Variants in MYO5B observed in about 807,000 individuals in gnomAD.
MYO5B encodes unconventional myosin-Vb.
MYO5B carries 143 observed loss-of-function variants against 229.3 expected under a neutral mutation model. That is an observed-to-expected ratio of 0.62 (90% CI 0.54 to 0.72). The LOEUF (loss-of-function observed/expected upper bound fraction) is 0.72, where lower values mean the gene tolerates loss of function less well. MYO5B is among the 30% of genes least tolerant of loss of function. The probability of loss-of-function intolerance (pLI) is 0.00; values close to 1 mark genes in which losing one functional copy is unlikely to be tolerated. For synonymous variants in MYO5B, 918 were observed against 885.2 expected, an observed-to-expected ratio of 1.04 and a Z score of -0.66; for missense variants, 2,321 against 2,331.0, an observed-to-expected ratio of 1.00 and a Z score of 0.09.
intron 1 of MYO5B, among the ~76,000 whole-genome samples, chr18:50,116,482 G>A (rs2031964875): frequency 6.6e-6 from 1 of 151,882 alleles, no homozygotes; most frequent in Admixed American, 6.6e-5. Flanking sequence ...ACCCAAACTG[G>A]AATCATTCCC....
chr18:49,861,970 T>C (rs973178640), intron 29 of MYO5B, among the ~76,000 whole-genome samples: 5 of 151,516 alleles, frequency 3.3e-5, no homozygotes, highest in African/African-American at 1.2e-4. Context: ...GAGAGAAAGG[T>C]AGCCAGGGAA....
intron 17 of MYO5B, among the ~76,000 whole-genome samples, chr18:49,917,029 A>G (rs2025024085): frequency 6.6e-6 from 1 of 152,218 alleles, no homozygotes; most frequent in South Asian, 2.1e-4. Context: ...CCCACTCATG[A>G]AGACCACAGG....
intron 22 of MYO5B, among the ~76,000 whole-genome samples, chr18:49,882,240 G>A (rs1490030847): frequency 6.6e-6 from 1 of 152,078 alleles, no homozygotes; most frequent in Non-Finnish European, 1.5e-5. Flanking sequence ...ATAATCTCTT[G>A]TGATCACATC....
chr18:49,981,418 G>A (rs574455310), intron 8 of MYO5B, among the ~76,000 whole-genome samples: 3 of 152,288 alleles, frequency 2.0e-5, no homozygotes, highest in African/African-American at 7.2e-5. Flanking sequence ...AAAAATGGGA[G>A]GCACAGATGT....
intron 17 of MYO5B, among the ~76,000 whole-genome samples, chr18:49,914,885 G>A (rs958003449): frequency 1.3e-5 from 2 of 151,982 alleles, no homozygotes; most frequent in African/African-American, 2.4e-5. Flanking sequence ...CGGGCACACC[G>A]TGCTCTGGAG....
intron 2 of MYO5B, among the ~76,000 whole-genome samples, chr18:50,052,521 C>G (rs1490397296): frequency 7.9e-6 from 1 of 126,606 alleles, no homozygotes; most frequent in African/African-American, 3.1e-5. Flanking sequence ...CACATGGACA[C>G]GGGAAGGGGA....
chr18:49,864,057 G>A (rs748762652), intron 28 of MYO5B, 84 bp downstream of exon 28: 10 of 1,577,030 alleles, frequency 6.3e-6, no homozygotes, highest in Non-Finnish European at 8.6e-6. Flanking sequence ...TTAGACCCTC[G>A]TGGGTAAAGA....
intron 38 of MYO5B, among the ~76,000 whole-genome samples, chr18:49,836,165 G>A (rs1243540272): frequency 2.0e-5 from 3 of 152,070 alleles, no homozygotes; most frequent in South Asian, 2.1e-4. Flanking sequence ...GCAATGTGTC[G>A]GCAACTGAAT....
rs79714279 is a variant in MYO5B, at chr18:49,984,778, T to C, written c.886A>G (p.Ile296Val). ...TCCTCAGCATCGTCCACACCCTCGA[T>C]GGAAGTGTCTCCTCCCTGTGATGTA... is the stretch of plus-strand genomic sequence containing the variant. ...FYTSQGGDTSIEGVDDAEDFE... is the reference protein window; with the variant it reads ...FYTSQGGDTSVEGVDDAEDFE... The change falls in exon 8 of 40, where the codon ATC becomes GTC. Residue 296 changes from isoleucine (I) to valine (V), a missense_variant. Transcript: ENST00000285039. 517 of 1,613,988 alleles carry C rather than the reference T, an allele frequency of 3.2e-4. 5 individuals carry two copies. The East Asian group carries it at 0.011, about 34-fold the overall frequency.
intron 31 of MYO5B, chr18:49,850,240 G>A (rs1170499749): frequency 1.1e-5 from 2 of 178,098 alleles, no homozygotes; most frequent in African/African-American, 2.4e-5. Flanking sequence ...CTCCATCCCA[G>A]CTGAGCAGTG....
At chr18:50,108,984 C>A (rs184445952) in intron 1 of MYO5B, among the ~76,000 whole-genome samples, 4 of 152,094 alleles carry the variant, frequency 2.6e-5, no homozygotes, top group South Asian at 4.2e-4. Flanking sequence ...GAACCAGGCT[C>A]CAAGAAGAAT....
At chr18:49,984,883 C>T (rs755074174) in intron 7 of MYO5B, 58 bp from the exon 8 acceptor site, 5 of 1,253,520 alleles carry the variant, frequency 4.0e-6, no homozygotes, top group South Asian at 1.2e-5. Context: ...TCCCACAGAT[C>T]GTGACCCATG....
intron 22 of MYO5B, among the ~76,000 whole-genome samples, chr18:49,891,672 T>C (rs957882458): frequency 1.3e-5 from 2 of 152,032 alleles, no homozygotes; most frequent in African/African-American, 4.8e-5. Flanking sequence ...CAACCCCCTC[T>C]TGGCTGGTCA....
intron 1 of MYO5B, among the ~76,000 whole-genome samples, chr18:50,131,777 C>G (rs2032258077): frequency 6.6e-6 from 1 of 152,162 alleles, no homozygotes; most frequent in Non-Finnish European, 1.5e-5. Context: ...TGACATTTCA[C>G]AAGTTTCAAA....
intron 1 of MYO5B, among the ~76,000 whole-genome samples, chr18:50,173,321 G>A (rs1190512262): frequency 6.6e-6 from 1 of 151,958 alleles, no homozygotes; most frequent in Non-Finnish European, 1.5e-5. Flanking sequence ...GATGCAGCAG[G>A]TAAGGAAGAC....
At chr18:50,009,154 G>T (rs1225923427) in intron 4 of MYO5B, among the ~76,000 whole-genome samples, 4 of 152,110 alleles carry the variant, frequency 2.6e-5, no homozygotes, top group Non-Finnish European at 5.9e-5. Context: ...GAGGCAGGTG[G>T]ATCACTTGAG....
chr18:49,937,155 C>G (rs2025259600), intron 15 of MYO5B, 90 bp downstream of exon 15: 1 of 1,509,680 alleles, frequency 6.6e-7, no homozygotes. Context: ...GCTGTGATGG[C>G]TTCCCTCTCA....
At chr18:50,179,100 A>C (rs2033038105) in intron 1 of MYO5B, among the ~76,000 whole-genome samples, 1 of 152,214 alleles carries the variant, frequency 6.6e-6, no homozygotes, top group Non-Finnish European at 1.5e-5. Flanking sequence ...ATAGCCCAGC[A>C]TTATTTTTAG....
rs115745689 is a variant in MYO5B at position 50,104,781 on chromosome 18, G to C, written c.28-49403C>G. ...GGGAAAATTCTTTTATCCAGGGAAT[G>C]AACAGACATGGACCGCACAGGTAGC... On this transcript the variant is annotated intron_variant, in intron 1 of 39. Transcript: ENST00000285039. 1.3e-3 allele frequency among the ~76,000 whole-genome samples: 197 copies of C among 152,278 alleles called. 1 individual carries two copies. The highest frequency in any genetic ancestry group is 4.7e-3 in the African/African-American group (195 of 41,550).
Sources: gnomAD v4.1 joint callset for allele counts (sites outside exome capture counted in the v4.1 genomes callset) on GRCh38, gnomAD v4.1.1 for gene constraint, MANE v1.5 for transcripts, NCBI Gene and HGNC (gene_info 2026-07-23, HGNC 2026-07-21) for gene names.